RSRC1: variants seen among roughly 807,000 people sequenced by gnomAD.
RSRC1 encodes the protein arginine and serine rich coiled-coil 1, also known as serine/Arginine-related protein 53.
RSRC1 carries 39 observed loss-of-function variants against 49.1 expected under a neutral mutation model. That is an observed-to-expected ratio of 0.79 (90% CI 0.61 to 1.04). The LOEUF is 1.04. Ranked by LOEUF, RSRC1 falls within the 50% of genes least tolerant of loss-of-function variation. RSRC1 has a pLI of 0.00. For synonymous variants in RSRC1, 143 were observed against 130.8 expected, an observed-to-expected ratio of 1.09 and a Z score of -0.63; for missense variants, 388 against 402.4, an observed-to-expected ratio of 0.96 and a Z score of 0.31.
chr3:158,235,966 A>C (rs1578227139), intron 4 of RSRC1, among the ~76,000 whole-genome samples: 2 of 152,090 alleles, frequency 1.3e-5, no homozygotes, highest in South Asian at 4.1e-4. Context: ...AAATATAAAA[A>C]TTAGCCGGGT....
chr3:158,138,809 T>C lies in RSRC1; in HGVS notation c.320+14818T>C, dbSNP rs1217421239. Reference sequence around the variant, plus strand: ...AAGTCATTCCTGTGAAATTGCAGAATTGTAGAATCTTGCCAAAAAATTAAT... The same window carrying C: ...AAGTCATTCCTGTGAAATTGCAGAACTGTAGAATCTTGCCAAAAAATTAAT... On this transcript the variant is annotated intron_variant, in intron 3 of 9. Coordinates refer to ENST00000611884, the MANE Select transcript of RSRC1 (RefSeq NM_001271838.2). Among the ~76,000 whole-genome samples the C allele has an allele frequency of 2.0e-5, 3 of 152,196 alleles. No homozygotes were observed. The East Asian group carries it at 5.8e-4, about 29-fold the overall frequency.
intron 7 of RSRC1, among the ~76,000 whole-genome samples, chr3:158,515,690 G>A (rs1388866924): frequency 6.9e-6 from 1 of 144,750 alleles, no homozygotes; most frequent in Admixed American, 6.9e-5. Context: ...ATCCTGCAGA[G>A]TGTTTTCCAA....
At chr3:158,229,757 C>T (rs1722847692) in intron 4 of RSRC1, among the ~76,000 whole-genome samples, 1 of 129,306 alleles carries the variant, frequency 7.7e-6, no homozygotes, top group African/African-American at 3.0e-5. Flanking sequence ...GCCCCATTTG[C>T]TTTATCAAAT....
intron 3 of RSRC1, among the ~76,000 whole-genome samples, chr3:158,177,590 A>G (rs7651696): frequency 0.28 from 43,031 of 151,054 alleles, 6,875 homozygotes; most frequent in East Asian, 0.64. Flanking sequence ...GAATTGAACA[A>G]TGAGAACACT....
intron 1 of RSRC1, among the ~76,000 whole-genome samples, chr3:158,114,431 G>C (rs1714648452): frequency 6.6e-6 from 1 of 152,208 alleles, no homozygotes; most frequent in Admixed American, 6.5e-5. Flanking sequence ...CAGGTAGCAT[G>C]ATGCCTCCAG....
intron 7 of RSRC1, among the ~76,000 whole-genome samples, chr3:158,487,949 GAAAAAAAA>G (rs58689210): frequency 0.013 from 372 of 28,944 alleles, 11 homozygotes; most frequent in African/African-American, 0.046. Context: ...TCCATCTCAA[GAAAAAAAA>G]AAAAAAAAAA....
chr3:158,176,383 G>A (rs527606536), intron 3 of RSRC1, among the ~76,000 whole-genome samples: 59 of 152,168 alleles, frequency 3.9e-4, no homozygotes, highest in African/African-American at 1.3e-3. Flanking sequence ...GAGGCATCAC[G>A]CTACCTGACT....
At chr3:158,290,787 A>G (rs920499604) in intron 4 of RSRC1, among the ~76,000 whole-genome samples, 3 of 152,232 alleles carry the variant, frequency 2.0e-5, no homozygotes, top group Non-Finnish European at 4.4e-5. Flanking sequence ...TTATGAAAGA[A>G]AAAAATACAA....
At chr3:158,525,889 T>C (rs1185771302) in intron 7 of RSRC1, among the ~76,000 whole-genome samples, 1 of 151,906 alleles carries the variant, frequency 6.6e-6, no homozygotes, top group Non-Finnish European at 1.5e-5. Flanking sequence ...AGGGTAGAGA[T>C]AGAAATTGAC....
At chr3:158,246,581 A>G (rs1723915174) in intron 4 of RSRC1, among the ~76,000 whole-genome samples, 1 of 152,132 alleles carries the variant, frequency 6.6e-6, no homozygotes, top group Non-Finnish European at 1.5e-5. Flanking sequence ...GTCTGGTGGT[A>G]ATGAATTCTC....
At chr3:158,463,308 A>T (rs1179961912) in intron 7 of RSRC1, among the ~76,000 whole-genome samples, 3 of 151,926 alleles carry the variant, frequency 2.0e-5, no homozygotes, top group Non-Finnish European at 2.9e-5. Context: ...TTTTCTCTTG[A>T]GTTGTCTAGA....
intron 4 of RSRC1, among the ~76,000 whole-genome samples, chr3:158,289,924 T>TGTCCATCCATCC (rs1553780272): frequency 2.0e-5 from 3 of 149,902 alleles, no homozygotes; most frequent in African/African-American, 7.4e-5. Flanking sequence ...TCTATCTTTC[T>TGTCCATCCATCC]ATCCATCCAT....
intron 7 of RSRC1, among the ~76,000 whole-genome samples, chr3:158,497,231 G>T (rs1421286118): frequency 2.5e-5 from 2 of 78,868 alleles, no homozygotes; most frequent in Non-Finnish European, 4.8e-5. Context: ...CTAGCCCCTG[G>T]CAACCACCAT....
chr3:158,337,537 C>G (rs978924162), intron 5 of RSRC1, among the ~76,000 whole-genome samples: 1 of 152,192 alleles, frequency 6.6e-6, no homozygotes, highest in Non-Finnish European at 1.5e-5. Context: ...AATCTATGAT[C>G]ATAGTGGGTA....
chr3:158,154,554 T>C (rs1421066500), intron 3 of RSRC1, among the ~76,000 whole-genome samples: 4 of 148,704 alleles, frequency 2.7e-5, no homozygotes, highest in African/African-American at 9.9e-5. Flanking sequence ...AACCTCTGCC[T>C]CCCGGGTTCA....
intron 3 of RSRC1, among the ~76,000 whole-genome samples, chr3:158,201,852 C>G (rs888064590): frequency 3.3e-4 from 50 of 152,076 alleles, no homozygotes; most frequent in African/African-American, 1.1e-3. Context: ...AAGAATAGAA[C>G]ACATTTTTTG....
intron 7 of RSRC1, among the ~76,000 whole-genome samples, chr3:158,477,024 C>T (rs1738396586): frequency 6.6e-6 from 1 of 152,056 alleles, no homozygotes; most frequent in Non-Finnish European, 1.5e-5. Flanking sequence ...GAAGTAACAG[C>T]CTTTGTGTTG....
At chr3:158,142,688 G>A (rs1284667841) in intron 3 of RSRC1, among the ~76,000 whole-genome samples, 6 of 152,090 alleles carry the variant, frequency 3.9e-5, no homozygotes, top group Non-Finnish European at 4.4e-5. Flanking sequence ...CCAGATCTCC[G>A]TAGAACTCAC....
chr3:158,536,154 G>T (rs1392718400), intron 7 of RSRC1, among the ~76,000 whole-genome samples: 1 of 151,408 alleles, frequency 6.6e-6, no homozygotes, highest in African/African-American at 2.4e-5. Flanking sequence ...GATGTAGTAG[G>T]AATGACACAG....
Sources: allele counts gnomAD v4.1 joint callset (sites outside exome capture counted in the v4.1 genomes callset), GRCh38; gene constraint gnomAD v4.1.1; transcripts MANE v1.5; gene names NCBI Gene and HGNC (gene_info 2026-07-23, HGNC 2026-07-21).